The following HECTD4 variants were observed in gnomAD, a reference collection of about 807,000 sequenced individuals.
HECTD4 encodes probable E3 ubiquitin-protein ligase HECTD4.
In HECTD4, 114 loss-of-function variants were observed where a neutral mutation model predicts 471.5. That is an observed-to-expected ratio of 0.24 (90% confidence interval 0.21 to 0.28). The LOEUF is 0.28. HECTD4 is among the 10% of genes least tolerant of loss of function. The pLI, the probability that HECTD4 is intolerant of heterozygous loss-of-function variation, is 1.00. For synonymous variants in HECTD4, 2,012 were observed against 2,256.0 expected (o/e 0.89, Z 3.07); for missense variants, 3,866 against 5,651.5 (o/e 0.68, Z 10.13).
chr12:112,229,875 C>G lies in HECTD4; in HGVS notation c.6342G>C (p.Leu2114=). ...QIWTTTAEKV[L]SRALMYIPQL... is the part of the protein sequence containing the mutation. ...GTGGAATGTACATCAGTGCTCTAGACAGAACCTAAATATAGAAGCAGCCCG... is the reference window on the plus strand; with the variant it reads ...GTGGAATGTACATCAGTGCTCTAGAGAGAACCTAAATATAGAAGCAGCCCG... The change falls in exon 41 of 76, where the codon CTG becomes CTC. Residue 2114 remains leucine, a synonymous_variant. Coordinates refer to ENST00000682272, the MANE Select transcript of HECTD4 (RefSeq NM_001388303.1). 6.2e-7 allele frequency: 1 copy of G among 1,612,714 alleles called. No homozygotes were observed. The highest frequency in any genetic ancestry group is 8.5e-7 in the Non-Finnish European group (1 of 1,179,188).
chr12:112,350,614 C>A (rs2036233755), intron 1 of HECTD4, among the ~76,000 whole-genome samples: 1 of 152,162 alleles, frequency 6.6e-6, no homozygotes, highest in Non-Finnish European at 1.5e-5. Flanking sequence ...TTTTAGTGTT[C>A]TTGGATGAAT....
intron 7 of HECTD4, among the ~76,000 whole-genome samples, chr12:112,289,130 T>C (rs2034820969): frequency 6.6e-6 from 1 of 152,194 alleles, no homozygotes; most frequent in South Asian, 2.1e-4. Flanking sequence ...GACAGGGTCT[T>C]GGTGTATCAC....
chr12:112,281,321 G>A (rs1436880744), intron 8 of HECTD4, among the ~76,000 whole-genome samples: 1 of 151,414 alleles, frequency 6.6e-6, no homozygotes, highest in Non-Finnish European at 1.5e-5. Flanking sequence ...ACAGATACCC[G>A]TTTCTACCAA....
intron 25 of HECTD4, 134 bp downstream of exon 25, chr12:112,250,010 G>T: frequency 1.4e-6 from 1 of 734,952 alleles, no homozygotes; most frequent in Non-Finnish European, 2.3e-6. Flanking sequence ...TCTAGACTCA[G>T]TTAATTTTAA....
At chr12:112,309,372 T>G (rs759650331) in intron 5 of HECTD4, among the ~76,000 whole-genome samples, 189 bp downstream of exon 5, 11 of 152,172 alleles carry the variant, frequency 7.2e-5, no homozygotes, top group South Asian at 2.1e-4. Context: ...AAGGCTAAAA[T>G]GCATTAACAG....
At position 112,167,439 on chromosome 12, in the gene HECTD4, G is replaced by C. The variant is rs1030318007; in HGVS notation, c.12412C>G (p.Pro4138Ala). 6.2e-7 allele frequency: 1 copy of C among 1,613,686 alleles called. No homozygotes were observed. The highest frequency in any genetic ancestry group is 2.2e-5 in the East Asian group (1 of 44,882). Residue 4138 changes from proline (P) to alanine (A), a missense_variant, in exon 72 of 76, where the codon CCG becomes GCG. Pro to Ala is a conservative substitution (Grantham distance 27). This residue lies in a region of HECTD4 where 715 missense variants were observed against 1,087.6 expected (regional missense o/e 0.66). Coordinates refer to ENST00000682272, the MANE Select transcript of HECTD4 (RefSeq NM_001388303.1). ...LLGIAIRADV[P>A]LPLDLLPSFW... is the part of the protein sequence containing the mutation. The stretch of plus-strand genomic sequence containing the variant: ...GAGGGCAGGAGGTCCAGGGGCAGCG[G>C]GACGTCTGCCCGAATTGCAATCCCC...
At chr12:112,175,937 C>A in intron 65 of HECTD4, 78 bp from the exon 66 acceptor site, 1 of 1,551,080 alleles carries the variant, frequency 6.4e-7, no homozygotes. Flanking sequence ...CTGCTCTCAC[C>A]ACAGCCTCTC....
chr12:112,282,052 C>T (rs752647645), intron 8 of HECTD4, among the ~76,000 whole-genome samples: 1 of 151,916 alleles, frequency 6.6e-6, no homozygotes, highest in Admixed American at 6.6e-5. Context: ...ATAACATACT[C>T]CCTTAAAGGT....
At chr12:112,324,290 T>C (rs2035697858) in intron 1 of HECTD4, among the ~76,000 whole-genome samples, 1 of 150,648 alleles carries the variant, frequency 6.6e-6, no homozygotes, top group African/African-American at 2.4e-5. Flanking sequence ...GCTAATTTTT[T>C]GTATTTTTTG....
At chr12:112,300,256 C>T (rs933161308) in intron 7 of HECTD4, among the ~76,000 whole-genome samples, 18 of 146,148 alleles carry the variant, frequency 1.2e-4, no homozygotes, top group Admixed American at 5.0e-4. Flanking sequence ...TTGCAGTGAG[C>T]GAGATCATGC....
chr12:112,306,362 G>T, intron 6 of HECTD4, 128 bp from the exon 7 acceptor site: 1 of 726,370 alleles, frequency 1.4e-6, no homozygotes, highest in Non-Finnish European at 1.9e-6. Context: ...AAATAAAATG[G>T]ATATTTATCT....
At chr12:112,252,077 C>G (rs952333134) in intron 23 of HECTD4, among the ~76,000 whole-genome samples, 3 of 152,078 alleles carry the variant, frequency 2.0e-5, no homozygotes, top group Non-Finnish European at 4.4e-5. Flanking sequence ...CAGCCGGATG[C>G]TTAACTACTC....
chr12:112,326,827 T>C (rs1167268715), intron 1 of HECTD4, among the ~76,000 whole-genome samples: 3 of 152,114 alleles, frequency 2.0e-5, no homozygotes, highest in Non-Finnish European at 4.4e-5. Context: ...TTGAAAAGGG[T>C]CAAGTAAGAA....
intron 1 of HECTD4, among the ~76,000 whole-genome samples, chr12:112,321,402 A>G (rs376407909): frequency 2.6e-5 from 4 of 152,234 alleles, no homozygotes; most frequent in African/African-American, 9.6e-5. Flanking sequence ...TGACTAGATC[A>G]AAACCAACAG....
intron 52 of HECTD4, among the ~76,000 whole-genome samples, chr12:112,206,824 C>G (rs769399930): frequency 5.3e-5 from 8 of 152,170 alleles, no homozygotes; most frequent in Non-Finnish European, 1.2e-4. Context: ...GCGTGAGCCA[C>G]TATGCCTGGC....
Position 112,265,897 on chromosome 12 carries a change from C to G in HECTD4, c.2479G>C (p.Asp827His). The change falls in exon 15 of 76, where the codon GAT becomes CAT. Residue 827 changes from aspartate to histidine, a missense_variant. By Grantham distance (81) the Asp-to-His change is moderately conservative (BLOSUM62 -1). Around this residue, in one of 16 missense-constraint regions of HECTD4, gnomAD observed 525 missense variants for 672.6 expected, o/e 0.78. Coordinates refer to ENST00000682272, the MANE Select transcript of HECTD4 (RefSeq NM_001388303.1). ...EQLQNNRFGS[D>H]EDDHYRLNDE... ...TGTCACCTGTAATGATCATCCTCAT[C>G]ACTGCCAAATCGGTTGTTTTGGAGC... 6.2e-7 allele frequency: 1 copy of G among 1,613,756 alleles called. No homozygotes were observed. Among genetic ancestry groups the G allele is most frequent in the Non-Finnish European group, 8.5e-7 (1 of 1,179,704 alleles).
In HECTD4 at chr12:112,347,376, G is replaced by C. The variant is rs542236787; in HGVS notation, c.178-27634C>G. Among the ~76,000 whole-genome samples the C allele has an allele frequency of 5.3e-5, 8 of 152,214 alleles. No individual in the cohort carries two copies. In the East Asian group the frequency reaches 1.5e-3, roughly 29 times the overall value. ...ATACAAAAATTAGCCGGGTGTGATG[G>C]AGCACGCTTGTAATCCCAGCTACTT... On this transcript the variant is annotated intron_variant, in intron 1 of 75. Transcript: ENST00000682272.
At chr12:112,334,784 T>C (rs1180846826) in intron 1 of HECTD4, among the ~76,000 whole-genome samples, 1 of 141,840 alleles carries the variant, frequency 7.1e-6, no homozygotes, top group Non-Finnish European at 1.5e-5. Context: ...CAGTCCAGCC[T>C]GGGTGACAAG....
At chr12:112,285,183 C>T (rs1465571719) in intron 7 of HECTD4, among the ~76,000 whole-genome samples, 1 of 152,124 alleles carries the variant, frequency 6.6e-6, no homozygotes, top group African/African-American at 2.4e-5. Context: ...GTGTAAAGTG[C>T]TCACTGTGCT....
Sources: gnomAD v4.1 joint callset for allele counts (sites outside exome capture counted in the v4.1 genomes callset) on GRCh38, gnomAD v4.1.1 for gene constraint, gnomAD v4.1.1 regional missense constraint, MANE v1.5 for transcripts, NCBI Gene and HGNC (gene_info 2026-07-23, HGNC 2026-07-21) for gene names.